The following KRTAP3-3 variants were observed in gnomAD, a reference collection of about 807,000 sequenced individuals.
KRTAP3-3 encodes keratin associated protein 3-3.
Under a neutral mutation model 5.7 loss-of-function variants are expected in KRTAP3-3, and 8 were observed. The observed-to-expected ratio is 1.40, with a 90% CI of 0.82 to 2.52. The LOEUF is 2.52. Ranked by LOEUF, KRTAP3-3 falls within the 30% of genes most tolerant of loss-of-function variation. KRTAP3-3 has a pLI of 0.00. For missense variants in KRTAP3-3, 98 were observed against 121.5 expected, an observed-to-expected ratio of 0.81 and a Z score of 0.91; for synonymous variants, 49 against 47.0, an observed-to-expected ratio of 1.04 and a Z score of -0.17.
chr17:40,993,753 T>C lies in KRTAP3-3; in HGVS notation c.*48A>G. 1.3e-6 allele frequency: 2 copies of C among 1,597,388 alleles called. No homozygotes were observed. The highest frequency in any genetic ancestry group is 1.7e-6 in the Non-Finnish European group (2 of 1,170,030). The stretch of plus-strand genomic sequence containing the variant: ...ACTGAGATAGGTGAATGCTAAAGCT[T>C]CTATGTTGACTTTTTCAATCTCAGG... On this transcript the variant is annotated 3_prime_UTR_variant, in exon 1 of 1. Coordinates refer to ENST00000391586, the MANE Select transcript of KRTAP3-3 (RefSeq NM_033185.3).
chr17:40,993,666 G>A lies in KRTAP3-3; in HGVS notation c.*135C>T. ...TTCTTGGTCTCTTTTTTTTTGCAGGGGGTGATTGTGGTAGTACCATCCTTG... is the reference window on the plus strand; with the variant it reads ...TTCTTGGTCTCTTTTTTTTTGCAGGAGGTGATTGTGGTAGTACCATCCTTG... On this transcript the variant is annotated 3_prime_UTR_variant, in exon 1 of 1. Coordinates refer to ENST00000391586, the MANE Select transcript of KRTAP3-3 (RefSeq NM_033185.3). 21 of 1,316,062 alleles carry A rather than the reference G, an allele frequency of 1.6e-5. No individual in the cohort carries two copies. The highest frequency in any genetic ancestry group is 2.2e-5 in the Non-Finnish European group (21 of 973,614). The allele number at this position is 1,316,062 out of a possible 1,614,324, so 81.5% of individuals were successfully genotyped here.
In KRTAP3-3 at chr17:40,993,715, A is replaced by G. The variant is rs1912756602; in HGVS notation, c.*86T>C. 1 of 1,535,710 alleles carries G rather than the reference A, an allele frequency of 6.5e-7. No homozygotes were observed. The highest frequency in any genetic ancestry group is 8.8e-7 in the Non-Finnish European group (1 of 1,133,776). Reference sequence around the variant, plus strand: ...TGTTCCAATTTCTAAAGCAGAGTACATTAGTTGTAGGTACTGAGATAGGTG... The same window carrying G: ...TGTTCCAATTTCTAAAGCAGAGTACGTTAGTTGTAGGTACTGAGATAGGTG... On this transcript the variant is annotated 3_prime_UTR_variant, in exon 1 of 1. Coordinates refer to ENST00000391586, the MANE Select transcript of KRTAP3-3 (RefSeq NM_033185.3).
In KRTAP3-3 at chr17:40,993,667, G is replaced by T; in HGVS notation, c.*134C>A. ...TCTTGGTCTCTTTTTTTTTGCAGGG[G>T]GTGATTGTGGTAGTACCATCCTTGT... On this transcript the variant is annotated 3_prime_UTR_variant, in exon 1 of 1. Coordinates refer to ENST00000391586, the MANE Select transcript of KRTAP3-3 (RefSeq NM_033185.3). The T allele has an allele frequency of 7.6e-7, 1 of 1,324,248 alleles. No homozygotes were observed. The highest frequency in any genetic ancestry group is 1.0e-6 in the Non-Finnish European group (1 of 980,552). 82.0% of individuals were successfully genotyped at this position (1,324,248 alleles called of 1,614,324 possible). A position where few individuals can be genotyped will look rare whatever the true frequency, so the allele number is the denominator to read the frequency against.
In KRTAP3-3 at chr17:40,993,651, C is replaced by CTTTTTTTTTTTTT; in HGVS notation, c.*149_*150insAAAAAAAAAAAAA. 8.2e-7 allele frequency: 1 copy of CTTTTTTTTTTTTT among 1,221,556 alleles called. No individual in the cohort carries two copies. The allele number at this position is 1,221,556 out of a possible 1,614,324, so 75.7% of individuals were successfully genotyped here. On this transcript the variant is annotated 3_prime_UTR_variant, in exon 1 of 1. Coordinates refer to ENST00000391586, the MANE Select transcript of KRTAP3-3 (RefSeq NM_033185.3). ...ATGGTCATTGAAAGTTTCTTGGTCT[C>CTTTTTTTTTTTTT]TTTTTTTTTGCAGGGGGTGATTGTG...
Position 40,993,957 on chromosome 17 carries a change from G to A in KRTAP3-3, c.141C>T (p.Cys47=), listed in dbSNP as rs1273117768. The A allele has an allele frequency of 1.2e-6, 2 of 1,614,080 alleles. No homozygotes were observed. The highest frequency in any genetic ancestry group is 1.7e-6 in the Non-Finnish European group (2 of 1,180,056). ...GGCAGGGTGGGGGACAGTTGTCACA[G>A]CAGGTGGGCTCCAGTAACCAAACTG... is the stretch of plus-strand genomic sequence containing the variant. ...PHTVWLLEPT[C]CDNCPPPCHI... is the part of the protein sequence containing the mutation. Residue 47 remains cysteine, a synonymous_variant, in exon 1 of 1, where the codon TGC becomes TGT. Coordinates refer to ENST00000391586, the MANE Select transcript of KRTAP3-3 (RefSeq NM_033185.3).
chr17:40,993,448 G>A lies in KRTAP3-3; in HGVS notation c.*353C>T, dbSNP rs1912749426. On this transcript the variant is annotated 3_prime_UTR_variant, in exon 1 of 1. Coordinates refer to ENST00000391586, the MANE Select transcript of KRTAP3-3 (RefSeq NM_033185.3). Reference sequence around the variant, plus strand: ...TAGACACTTGTGCTATGCCAGAGATGTAAAATTTATTAGGATAATCATGAA... The same window carrying A: ...TAGACACTTGTGCTATGCCAGAGATATAAAATTTATTAGGATAATCATGAA... 2 of 273,086 alleles carry A rather than the reference G, an allele frequency of 7.3e-6. No homozygotes were observed. Among genetic ancestry groups the A allele is most frequent in the East Asian group, 7.0e-5 (1 of 14,264 alleles). The allele number at this position is 273,086 out of a possible 1,614,324, so 16.9% of individuals were successfully genotyped here.
In KRTAP3-3 at chr17:40,994,122, T is replaced by C. The variant is rs1567869043; in HGVS notation, c.-25A>G. On this transcript the variant is annotated 5_prime_UTR_variant, in exon 1 of 1. Coordinates refer to ENST00000391586, the MANE Select transcript of KRTAP3-3 (RefSeq NM_033185.3). ...TGGCTATTAGAGTCTGTGGTATTTA[T>C]GGGTTTGATTGAAAAGAAGGATAAG... is the stretch of plus-strand genomic sequence containing the variant. The C allele has an allele frequency of 6.2e-7, 1 of 1,611,704 alleles. No individual in the cohort carries two copies. The highest frequency in any genetic ancestry group is 2.2e-5 in the East Asian group (1 of 44,840).
Position 40,993,567 on chromosome 17 carries a change from G to T in KRTAP3-3, c.*234C>A. 1.8e-6 allele frequency: 1 copy of T among 562,780 alleles called. No homozygotes were observed. The highest frequency in any genetic ancestry group is 3.0e-6 in the Non-Finnish European group (1 of 334,282). 34.9% of individuals were successfully genotyped at this position (562,780 alleles called of 1,614,324 possible). On this transcript the variant is annotated 3_prime_UTR_variant, in exon 1 of 1. Coordinates refer to ENST00000391586, the MANE Select transcript of KRTAP3-3 (RefSeq NM_033185.3). Reference sequence around the variant, plus strand: ...AGAGACACTTTAATATGAAGGAATCGAACAGCTTCAGGAAGCTATAGGCAT... The same window carrying T: ...AGAGACACTTTAATATGAAGGAATCTAACAGCTTCAGGAAGCTATAGGCAT...
rs1235265785 is a variant in KRTAP3-3 at position 40,994,148 on chromosome 17, G to T, written c.-51C>A. ...GGGTTTGATTGAAAAGAAGGATAAG[G>T]CTTCTGAGGTGTGAATATCTCTCCT... On this transcript the variant is annotated 5_prime_UTR_variant, in exon 1 of 1. Coordinates refer to ENST00000391586, the MANE Select transcript of KRTAP3-3 (RefSeq NM_033185.3). 1.3e-6 allele frequency: 2 copies of T among 1,590,022 alleles called. No homozygotes were observed. The highest frequency in any genetic ancestry group is 1.3e-5 in the African/African-American group (1 of 74,362).
At position 40,993,793 on chromosome 17, in the gene KRTAP3-3, G is replaced by A. The variant is rs372615611; in HGVS notation, c.*8C>T. The stretch of plus-strand genomic sequence containing the variant: ...TCAATCTCAGGCACTGAGCAAAGTA[G>A]CCATCCATTAGCAGCCTCTTGGGAG... On this transcript the variant is annotated 3_prime_UTR_variant, in exon 1 of 1. Transcript: ENST00000391586. The A allele has an allele frequency of 2.1e-4, 332 of 1,613,250 alleles. No homozygotes were observed. Among genetic ancestry groups the A allele is most frequent in the Non-Finnish European group, 2.2e-4 (261 of 1,179,370 alleles).
In KRTAP3-3 at chr17:40,994,143, A is replaced by G. The variant is rs547308638; in HGVS notation, c.-46T>C. The stretch of plus-strand genomic sequence containing the variant: ...TTTATGGGTTTGATTGAAAAGAAGG[A>G]TAAGGCTTCTGAGGTGTGAATATCT... On this transcript the variant is annotated 5_prime_UTR_variant, in exon 1 of 1. Coordinates refer to ENST00000391586, the MANE Select transcript of KRTAP3-3 (RefSeq NM_033185.3). 55 of 1,599,218 alleles carry G rather than the reference A, an allele frequency of 3.4e-5. 1 individual carries two copies. In the Admixed American group the frequency reaches 8.9e-4, roughly 26 times the overall value.
Position 40,993,994 on chromosome 17 carries a change from G to A in KRTAP3-3, c.104C>T (p.Thr35Ile). ...CAGTAACCAAACTGTGTGTGGGCAG[G>A]TGCTGGGCAGGCAGACTCCACAGCG... ...SCRCGVCLPSTCPHTVWLLEP... is the reference protein window; with the variant it reads ...SCRCGVCLPSICPHTVWLLEP... The change falls in exon 1 of 1, where the codon ACC becomes ATC. Residue 35 changes from threonine to isoleucine, a missense_variant. Transcript: ENST00000391586. 1 of 1,614,230 alleles carries A rather than the reference G, an allele frequency of 6.2e-7. No homozygotes were observed. The highest frequency in any genetic ancestry group is 8.5e-7 in the Non-Finnish European group (1 of 1,180,040).
In KRTAP3-3 at chr17:40,993,483, T is replaced by C; in HGVS notation, c.*318A>G. ...TTAGGATAATCATGAAGAACTTCCTTAATTTTCAGAAAGATACCACCCAAG... is the reference window on the plus strand; with the variant it reads ...TTAGGATAATCATGAAGAACTTCCTCAATTTTCAGAAAGATACCACCCAAG... On this transcript the variant is annotated 3_prime_UTR_variant, in exon 1 of 1. Coordinates refer to ENST00000391586, the MANE Select transcript of KRTAP3-3 (RefSeq NM_033185.3). The C allele has an allele frequency of 2.8e-6, 1 of 362,280 alleles. No homozygotes were observed. The highest frequency in any genetic ancestry group is 5.0e-6 in the Non-Finnish European group (1 of 201,330). 22.4% of individuals were successfully genotyped at this position (362,280 alleles called of 1,614,324 possible). A position where few individuals can be genotyped will look rare whatever the true frequency, so the allele number is the denominator to read the frequency against.
chr17:40,993,826 T>G lies in KRTAP3-3; in HGVS notation c.272A>C (p.Glu91Ala), dbSNP rs1285700770. The change falls in exon 1 of 1, where the codon GAG becomes GCG. Residue 91 changes from glutamate (E) to alanine (A), a missense_variant. Glu to Ala is a moderately radical substitution (Grantham distance 107, BLOSUM62 -1). Transcript: ENST00000391586. ...TTAGCAGCCTCTTGGGAGGCAGGGCTCACAGCAGGGCTGAGTGAAGGTGGT... is the reference window on the plus strand; with the variant it reads ...TTAGCAGCCTCTTGGGAGGCAGGGCGCACAGCAGGGCTGAGTGAAGGTGGT... Reference protein sequence around the residue: ...NLTTFTQPCCEPCLPRGC With the variant: ...NLTTFTQPCCAPCLPRGC 6.2e-7 allele frequency: 1 copy of G among 1,614,174 alleles called. No individual in the cohort carries two copies. Among genetic ancestry groups the G allele is most frequent in the Non-Finnish European group, 8.5e-7 (1 of 1,180,010 alleles).
In KRTAP3-3 at chr17:40,993,718, A is replaced by G. The variant is rs745833687; in HGVS notation, c.*83T>C. On this transcript the variant is annotated 3_prime_UTR_variant, in exon 1 of 1. Transcript: ENST00000391586. ...TCCAATTTCTAAAGCAGAGTACATT[A>G]GTTGTAGGTACTGAGATAGGTGAAT... The G allele has an allele frequency of 1.7e-5, 26 of 1,538,590 alleles. No homozygotes were observed. Among genetic ancestry groups the G allele is most frequent in the African/African-American group, 1.4e-5 (1 of 73,186 alleles).
Position 40,994,153 on chromosome 17 carries a change from T to C in KRTAP3-3, c.-56A>G. 6.3e-7 allele frequency: 1 copy of C among 1,590,392 alleles called. No homozygotes were observed. Among genetic ancestry groups the C allele is most frequent in the African/African-American group, 1.3e-5 (1 of 74,558 alleles). On this transcript the variant is annotated 5_prime_UTR_variant, in exon 1 of 1. Coordinates refer to ENST00000391586, the MANE Select transcript of KRTAP3-3 (RefSeq NM_033185.3). ...TGATTGAAAAGAAGGATAAGGCTTC[T>C]GAGGTGTGAATATCTCTCCTTTCTC...
In KRTAP3-3 at chr17:40,993,728, A is replaced by G. The variant is rs917694206; in HGVS notation, c.*73T>C. The G allele has an allele frequency of 1.9e-5, 29 of 1,564,732 alleles. 1 individual carries two copies. Among genetic ancestry groups the G allele is most frequent in the South Asian group, 1.3e-4 (11 of 82,814 alleles). ...AAAGCAGAGTACATTAGTTGTAGGT[A>G]CTGAGATAGGTGAATGCTAAAGCTT... On this transcript the variant is annotated 3_prime_UTR_variant, in exon 1 of 1. Coordinates refer to ENST00000391586, the MANE Select transcript of KRTAP3-3 (RefSeq NM_033185.3).
rs2038058009 is a variant in KRTAP3-3, at chr17:40,993,888, G to A, written c.210C>T (p.Ser70=). ...TCTCCAGGCCTGGAGTTGGCTGGCA[G>A]GAGTTGAGCAGGAAGCAGGTGGGCA... ...PCVPTCFLLN[S]CQPTPGLETL... is the part of the protein sequence containing the mutation. Residue 70 remains serine, a synonymous_variant, in exon 1 of 1, where the codon TCC becomes TCT. Coordinates refer to ENST00000391586, the MANE Select transcript of KRTAP3-3 (RefSeq NM_033185.3). The A allele has an allele frequency of 2.5e-6, 4 of 1,614,092 alleles. No homozygotes were observed. Among genetic ancestry groups the A allele is most frequent in the African/African-American group, 1.3e-5 (1 of 75,052 alleles).
chr17:40,993,968 C>A lies in KRTAP3-3; in HGVS notation c.130G>T (p.Glu44Ter). 1 of 1,614,086 alleles carries A rather than the reference C, an allele frequency of 6.2e-7. No homozygotes were observed. Among genetic ancestry groups the A allele is most frequent in the Non-Finnish European group, 8.5e-7 (1 of 1,180,016 alleles). The change falls in exon 1 of 1, where the codon GAG (glutamate) becomes TAG (stop). Residue 44 changes from glutamate (E) to a stop codon, truncating the protein, a stop_gained. Transcript: ENST00000391586. LOFTEE classifies it high-confidence loss of function. Reference protein sequence around the residue: ...STCPHTVWLLEPTCCDNCPPP... With the variant: ...STCPHTVWLL ...GGACAGTTGTCACAGCAGGTGGGCT[C>A]CAGTAACCAAACTGTGTGTGGGCAG... is the stretch of plus-strand genomic sequence containing the variant.
Sources: allele counts gnomAD v4.1 joint callset, GRCh38; gene constraint gnomAD v4.1.1; transcripts MANE v1.5; gene names NCBI Gene and HGNC (gene_info 2026-07-23, HGNC 2026-07-21).